Variants in SCNN1B observed in about 807,000 individuals in gnomAD.
SCNN1B encodes the protein sodium channel epithelial 1 subunit beta.
SCNN1B carries 46 observed loss-of-function variants against 65.3 expected under a neutral mutation model. The ratio of observed to expected loss-of-function variants is 0.70; its 90% CI spans 0.56 to 0.90. SCNN1B has a LOEUF of 0.90. Ranked by LOEUF, SCNN1B falls within the 40% of genes least tolerant of loss-of-function variation. The pLI is 0.00. For synonymous variants in SCNN1B, 349 were observed against 330.6 expected (o/e 1.06, Z -0.60); for missense variants, 751 against 830.5 (o/e 0.90, Z 1.18).
intron 1 of SCNN1B, among the ~76,000 whole-genome samples, chr16:23,329,497 A>C (rs985082187): frequency 2.6e-5 from 4 of 152,216 alleles, no homozygotes; most frequent in Non-Finnish European, 1.5e-5. Context: ...AACCACAGCT[A>C]ATAAGAGCTG....
At chr16:23,355,709 C>T (rs1054656323) in intron 4 of SCNN1B, among the ~76,000 whole-genome samples, 1 of 152,158 alleles carries the variant, frequency 6.6e-6, no homozygotes, top group East Asian at 1.9e-4. Flanking sequence ...ATTGAGAGAA[C>T]TGTGTTAGGA....
At chr16:23,300,361 G>GA (rs146514557), upstream of SCNN1B, among the ~76,000 whole-genome samples, 5,233 of 149,786 alleles carry the variant, frequency 0.035, 283 homozygotes, top group African/African-American at 0.12. Context: ...AAAAAAGACT[G>GA]AAAAAAAAAG....
chr16:23,357,721 G>A (rs573638829), intron 4 of SCNN1B, among the ~76,000 whole-genome samples: 4 of 152,338 alleles, frequency 2.6e-5, no homozygotes, highest in South Asian at 4.2e-4. Flanking sequence ...TCCCATAGGT[G>A]GAAGATTTGA....
intron 1 of SCNN1B, among the ~76,000 whole-genome samples, chr16:23,278,699 G>GTTAA (rs57022995): frequency 0.18 from 26,590 of 151,842 alleles, 2,360 homozygotes; most frequent in Middle Eastern, 0.28. Context: ...CTTTAAAATG[G>GTTAA]TTAATTTTAT....
chr16:23,343,059 TA>T (rs1962084817), intron 1 of SCNN1B, among the ~76,000 whole-genome samples: 1 of 152,218 alleles, frequency 6.6e-6, no homozygotes, highest in African/African-American at 2.4e-5. Context: ...TCTTAGCTCC[TA>T]CCCCACACTA....
At chr16:23,378,846 A>G in intron 11 of SCNN1B, 79 bp downstream of exon 11, 1 of 1,305,156 alleles carries the variant, frequency 7.7e-7, no homozygotes, top group Non-Finnish European at 1.1e-6. Flanking sequence ...GACACAGGAC[A>G]GCTCCTCAGA....
intron 7 of SCNN1B, among the ~76,000 whole-genome samples, chr16:23,374,727 A>C (rs1339334690): frequency 6.6e-6 from 1 of 151,986 alleles, no homozygotes; most frequent in Non-Finnish European, 1.5e-5. Context: ...AAGGCAGGAC[A>C]TAGGGACCTG....
intron 2 of SCNN1B, among the ~76,000 whole-genome samples, chr16:23,349,970 T>C (rs148042620): frequency 1.7e-4 from 26 of 151,560 alleles, no homozygotes; most frequent in Admixed American, 1.4e-3. Context: ...CTCAGCTACT[T>C]AGGAGGCTGA....
intron 1 of SCNN1B, among the ~76,000 whole-genome samples, chr16:23,342,023 A>T (rs1475438342): frequency 6.6e-6 from 1 of 152,198 alleles, no homozygotes; most frequent in Non-Finnish European, 1.5e-5. Context: ...TTTCTACACA[A>T]AACTTATACA....
chr16:23,348,963 C>CTTCCCTTTTCTT lies in SCNN1B; in HGVS notation c.311+54_311+55insTCCCTTTTCTTT. On this transcript the variant is annotated intron_variant, in intron 2 of 12. Transcript: ENST00000343070. This position sits in a 1 kb window ranked among gnomAD's most constrained non-coding sequence, Gnocchi z 4.5. ...CCTCAGCAGACAGGCGGTTCTCTTT[C>CTTCCCTTTTCTT]TCTCTTTTCTTCCCTTCTACCTTTC... is the stretch of plus-strand genomic sequence containing the variant. The CTTCCCTTTTCTT allele has an allele frequency of 6.9e-7, 1 of 1,441,912 alleles. No individual in the cohort carries two copies. The highest frequency in any genetic ancestry group is 9.8e-7 in the Non-Finnish European group (1 of 1,024,258). 89.3% of individuals were successfully genotyped at this position (1,441,912 alleles called of 1,614,324 possible). A position where few individuals can be genotyped will look rare whatever the true frequency, so the allele number is the denominator to read the frequency against.
At position 23,352,938 on chromosome 16, in the gene SCNN1B, T is replaced by TG; in HGVS notation, c.451dup (p.Val151GlyfsTer4). 1.9e-6 allele frequency: 3 copies of TG among 1,614,160 alleles called. No individual in the cohort carries two copies. The highest frequency in any genetic ancestry group is 2.5e-6 in the Non-Finnish European group (3 of 1,180,018). On this transcript the variant is annotated frameshift_variant, in exon 3 of 13. Transcript: ENST00000343070. LOFTEE classifies it high-confidence loss of function. ...TTCTCCATCTGGAACCACACACCCC[T>TG]GGTCCTTATTGATGAACGGAACCCC...
rs1002776972 is a variant in SCNN1B at position 23,376,760 on chromosome 16, A to G, written c.1271-405A>G. ...CCCCGTCTATAAAAAAAAAAAAAAA[A>G]GAAAGAAAGAAAAAAAAAAGTAAAA... On this transcript the variant is annotated intron_variant, in intron 8 of 12. Coordinates refer to ENST00000343070, the MANE Select transcript of SCNN1B (RefSeq NM_000336.3). Among the ~76,000 whole-genome samples the G allele has an allele frequency of 6.0e-5, 9 of 150,210 alleles. No individual in the cohort carries two copies. In the South Asian group the frequency reaches 1.3e-3, roughly 21 times the overall value.
chr16:23,354,179 C>T (rs1268027809), intron 3 of SCNN1B, among the ~76,000 whole-genome samples: 1 of 152,186 alleles, frequency 6.6e-6, no homozygotes, highest in Non-Finnish European at 1.5e-5. Flanking sequence ...ACCTCCTGGG[C>T]CTCAATTTCC....
rs1214279268 is a variant in SCNN1B, at chr16:23,333,206, GAAGGAAGA to G, written c.-8-15382_-8-15375del. 6.0e-3 allele frequency among the ~76,000 whole-genome samples: 540 copies of G among 89,522 alleles called. 9 individuals carry two copies. The highest frequency in any genetic ancestry group is 0.015 in the African/African-American group (330 of 21,598). The allele number at this position is 89,522 out of a possible 152,430, so 58.7% of individuals were successfully genotyped here. A position where few individuals can be genotyped will look rare whatever the true frequency, so the allele number is the denominator to read the frequency against. Reference sequence around the variant, plus strand: ...GGAAGGAAGGAAGGAAGGAAGGAAGGAAGGAAGAAAGAAAAAAGGCCTTATTGCTGAAG... The same window carrying G: ...GGAAGGAAGGAAGGAAGGAAGGAAGGAAGAAAAAAGGCCTTATTGCTGAAG... On this transcript the variant is annotated intron_variant, in intron 1 of 12. Transcript: ENST00000343070.
intron 1 of SCNN1B, among the ~76,000 whole-genome samples, chr16:23,337,791 G>A (rs949720985): frequency 2.6e-5 from 4 of 151,982 alleles, no homozygotes; most frequent in Non-Finnish European, 5.9e-5. Flanking sequence ...TATAGGCCAG[G>A]CACAGTGGCT....
chr16:23,296,677 C>T (rs1388811571), intron 2 of SCNN1B, among the ~76,000 whole-genome samples: 1 of 152,082 alleles, frequency 6.6e-6, no homozygotes, highest in Non-Finnish European at 1.5e-5. Flanking sequence ...AGGGAAGCAC[C>T]CGGAGCTTGC....
At chr16:23,379,474 A>G (rs566778675) in intron 11 of SCNN1B, among the ~76,000 whole-genome samples, 13 of 152,154 alleles carry the variant, frequency 8.5e-5, no homozygotes, top group Middle Eastern at 3.4e-3. Context: ...GAACTCTCCA[A>G]GGAGGAGTAA....
chr16:23,357,296 A>G (rs1208458662), intron 4 of SCNN1B, among the ~76,000 whole-genome samples: 1 of 152,254 alleles, frequency 6.6e-6, no homozygotes, highest in Non-Finnish European at 1.5e-5. Flanking sequence ...CAAAATGCAC[A>G]GGTGCAACCG....
At chr16:23,288,242 C>T (rs1450857781) in intron 2 of SCNN1B, among the ~76,000 whole-genome samples, 1 of 151,960 alleles carries the variant, frequency 6.6e-6, no homozygotes, top group African/African-American at 2.4e-5. Context: ...AGAAAACTGC[C>T]CCCGTATCAG....
Sources: allele counts gnomAD v4.1 joint callset (sites outside exome capture counted in the v4.1 genomes callset), GRCh38; gene constraint gnomAD v4.1.1; non-coding constraint Gnocchi (gnomAD v3.1); transcripts MANE v1.5; gene names NCBI Gene and HGNC (gene_info 2026-07-23, HGNC 2026-07-21).